IQCM: variants seen among roughly 807,000 people sequenced by gnomAD.
IQCM encodes IQ motif containing M.
In IQCM, 45 loss-of-function variants were observed where a neutral mutation model predicts 57.6. That is an observed-to-expected ratio of 0.78 (90% CI 0.62 to 1.00). The LOEUF is 1.00. IQCM is among the 50% of genes least tolerant of loss of function. The probability of loss-of-function intolerance (pLI) is 0.00; values close to 1 mark genes in which losing one functional copy is unlikely to be tolerated. For synonymous variants in IQCM, 148 were observed against 158.9 expected (o/e 0.93, Z 0.51); for missense variants, 468 against 511.6 (o/e 0.91, Z 0.82).
intron 8 of IQCM, among the ~76,000 whole-genome samples, chr4:149,614,361 A>G (rs755599710): frequency 2.6e-5 from 4 of 152,126 alleles, no homozygotes; most frequent in East Asian, 1.9e-4. Context: ...AGAGGTCTAC[A>G]TGGCACTTGA....
intron 13 of IQCM, among the ~76,000 whole-genome samples, chr4:149,401,223 A>G (rs1732599042): frequency 6.6e-6 from 1 of 151,914 alleles, no homozygotes; most frequent in Non-Finnish European, 1.5e-5. Flanking sequence ...TGCAAAGCAA[A>G]TATTCTATGA....
At chr4:149,620,346 A>C (rs1756222405) in intron 8 of IQCM, among the ~76,000 whole-genome samples, 1 of 152,098 alleles carries the variant, frequency 6.6e-6, no homozygotes, top group Admixed American at 6.6e-5. Context: ...AGTCTGTGGT[A>C]TTTTGTAATA....
At chr4:149,546,578 A>G (rs963039841) in intron 12 of IQCM, among the ~76,000 whole-genome samples, 4 of 152,022 alleles carry the variant, frequency 2.6e-5, no homozygotes, top group Non-Finnish European at 2.9e-5. Context: ...CAGTGATGAC[A>G]AACATTTTTT....
chr4:149,410,503 T>C (rs1342995413), intron 13 of IQCM, among the ~76,000 whole-genome samples: 1 of 150,292 alleles, frequency 6.7e-6, no homozygotes, highest in Non-Finnish European at 1.5e-5. Flanking sequence ...TATTCTAATA[T>C]AAATAACTAA....
At chr4:149,358,963 A>G (rs933455326) in intron 13 of IQCM, among the ~76,000 whole-genome samples, 10 of 98,752 alleles carry the variant, frequency 1.0e-4, no homozygotes, top group Middle Eastern at 5.3e-3. Flanking sequence ...GGGAGGGTGC[A>G]GGAAAGGAGG....
At chr4:149,483,849 C>T (rs555309036) in intron 12 of IQCM, among the ~76,000 whole-genome samples, 1 of 151,890 alleles carries the variant, frequency 6.6e-6, no homozygotes, top group Admixed American at 6.6e-5. Flanking sequence ...TGAGATCTAT[C>T]CAGTGCTGAA....
intron 9 of IQCM, among the ~76,000 whole-genome samples, chr4:149,580,189 T>C (rs547983775): frequency 6.6e-6 from 1 of 151,938 alleles, no homozygotes; most frequent in East Asian, 2.0e-4. Context: ...TGAGACTTCT[T>C]TTAATTAGTT....
At chr4:149,785,590 T>G (rs1436193665) in intron 2 of IQCM, among the ~76,000 whole-genome samples, 1 of 152,074 alleles carries the variant, frequency 6.6e-6, no homozygotes, top group Admixed American at 6.6e-5. Context: ...ACAATTAACA[T>G]CAGGGAGAAA....
intron 12 of IQCM, among the ~76,000 whole-genome samples, chr4:149,448,473 A>C (rs1362656569): frequency 6.6e-6 from 1 of 151,618 alleles, no homozygotes; most frequent in East Asian, 1.9e-4. Context: ...GAAACCCAGA[A>C]AATATAAAAT....
intron 2 of IQCM, among the ~76,000 whole-genome samples, chr4:149,772,584 A>T (rs1770688788): frequency 6.6e-6 from 1 of 152,240 alleles, no homozygotes; most frequent in Non-Finnish European, 1.5e-5. Context: ...GAGAATCAAG[A>T]TGACTAAAAA....
At chr4:149,481,701 G>GTTTTTTTTTTTTTTTTTTTTGTTT (rs1740844816) in intron 12 of IQCM, among the ~76,000 whole-genome samples, 2 of 51,580 alleles carry the variant, frequency 3.9e-5, no homozygotes, top group Admixed American at 2.5e-4. Context: ...TTCCAGTTTT[G>GTTTTTTTTTTTTTTTTTTTTGTTT]TTTTTTTTTT....
At chr4:149,554,007 T>C (rs1749294423) in intron 10 of IQCM, among the ~76,000 whole-genome samples, 1 of 152,210 alleles carries the variant, frequency 6.6e-6, no homozygotes, top group Non-Finnish European at 1.5e-5. Flanking sequence ...TTCTGGCTTA[T>C]TAATGTCTCT....
intron 12 of IQCM, among the ~76,000 whole-genome samples, chr4:149,542,465 T>A (rs1747947733): frequency 6.6e-6 from 1 of 152,178 alleles, no homozygotes; most frequent in African/African-American, 2.4e-5. Flanking sequence ...GAAAAAGCAT[T>A]CACCTTAACT....
chr4:149,726,256 G>A (rs75308641), intron 5 of IQCM, among the ~76,000 whole-genome samples: 2,255 of 151,208 alleles, frequency 0.015, 29 homozygotes, highest in Middle Eastern at 0.052. Context: ...CAACACTTTC[G>A]GTCCCATCCT....
intron 12 of IQCM, among the ~76,000 whole-genome samples, chr4:149,524,819 T>C (rs1454537533): frequency 6.6e-6 from 1 of 151,690 alleles, no homozygotes; most frequent in Non-Finnish European, 1.5e-5. Flanking sequence ...CATAACCATC[T>C]GTAGAGAAAA....
rs577337983 is a variant in IQCM at position 149,686,439 on chromosome 4, T to C, written c.415A>G (p.Ile139Val). The C allele has an allele frequency of 4.1e-5, 50 of 1,227,252 alleles. 1 individual carries two copies. The East Asian group carries it at 1.6e-3, about 38-fold the overall frequency. The allele number at this position is 1,227,252 out of a possible 1,614,324, so 76.0% of individuals were successfully genotyped here. The change falls in exon 6 of 14, where the codon ATT becomes GTT. Residue 139 changes from isoleucine (I) to valine (V), a missense_variant. Transcript: ENST00000636793. ...ATTTTTTTACTCACTGGTTCAATAA[T>C]AGTCATGATTTTATCCAATTTAACT... ...GQVKLDKIMT[I>V]IEPVSKKMET...
chr4:149,597,460 A>G (rs2726764), intron 8 of IQCM, among the ~76,000 whole-genome samples: 32,548 of 152,050 alleles, frequency 0.21, 4,360 homozygotes, highest in Non-Finnish European at 0.29. Context: ...GTATGATCTC[A>G]GCTCACTACA....
chr4:149,791,435 C>T (rs1772601121), intron 2 of IQCM, among the ~76,000 whole-genome samples: 1 of 152,130 alleles, frequency 6.6e-6, no homozygotes, highest in African/African-American at 2.4e-5. Context: ...AGAAACATTT[C>T]AGTTCCACTC....
At chr4:149,529,658 G>C (rs1314571526) in intron 12 of IQCM, among the ~76,000 whole-genome samples, 2 of 152,136 alleles carry the variant, frequency 1.3e-5, no homozygotes, top group Non-Finnish European at 2.9e-5. Context: ...GGATTCCAAA[G>C]GTTATAAAAT....
Sources: gnomAD v4.1 joint callset for allele counts (sites outside exome capture counted in the v4.1 genomes callset) on GRCh38, gnomAD v4.1.1 for gene constraint, MANE v1.5 for transcripts, NCBI Gene and HGNC (gene_info 2026-07-23, HGNC 2026-07-21) for gene names.